CCSER1: variants seen among roughly 807,000 people sequenced by gnomAD.
CCSER1 encodes the protein coiled-coil serine rich protein 1.
CCSER1 carries 41 observed loss-of-function variants against 82.0 expected under a neutral mutation model. The ratio of observed to expected loss-of-function variants is 0.50; its 90% CI spans 0.39 to 0.65. The LOEUF (loss-of-function observed/expected upper bound fraction) is 0.65, where lower values mean the gene tolerates loss of function less well. Ranked by LOEUF, CCSER1 falls within the 30% of genes least tolerant of loss-of-function variation. CCSER1 has a pLI of 0.00. For missense variants in CCSER1, 1,119 were observed against 1,064.2 expected, an observed-to-expected ratio of 1.05 and a Z score of -0.72; for synonymous variants, 414 against 383.9, an observed-to-expected ratio of 1.08 and a Z score of -0.92.
At chr4:90,862,355 G>GA (rs76475989) in intron 8 of CCSER1, among the ~76,000 whole-genome samples, 27,484 of 151,790 alleles carry the variant, frequency 0.18, 2,789 homozygotes, top group South Asian at 0.27. Flanking sequence ...CTTCTCAAAT[G>GA]AAAGTCAATT....
At chr4:91,500,006 A>T (rs1295163584) in intron 10 of CCSER1, among the ~76,000 whole-genome samples, 1 of 152,042 alleles carries the variant, frequency 6.6e-6, no homozygotes, top group Non-Finnish European at 1.5e-5. Context: ...GCAATTCCTA[A>T]ACCTTATCGT....
chr4:90,436,897 C>T (rs1243887113), intron 4 of CCSER1, among the ~76,000 whole-genome samples: 1 of 151,826 alleles, frequency 6.6e-6, no homozygotes, highest in Non-Finnish European at 1.5e-5. Flanking sequence ...AGCTCTTCCT[C>T]CCGGGTTCAC....
At chr4:90,599,326 G>A (rs1479223818) in intron 5 of CCSER1, among the ~76,000 whole-genome samples, 1 of 152,008 alleles carries the variant, frequency 6.6e-6, no homozygotes, top group Non-Finnish European at 1.5e-5. Flanking sequence ...AGAGCTGATG[G>A]TTTTAAAAGT....
chr4:90,814,294 A>G lies in CCSER1; in HGVS notation c.2011-1468A>G, dbSNP rs1323500933. ...TCACTCCTAAGCCTCCTGGCCTGTA[A>G]TGGGAGAGGCTGCTTCCCTTGTTGG... On this transcript the variant is annotated intron_variant, in intron 7 of 10. Coordinates refer to ENST00000509176, the MANE Select transcript of CCSER1 (RefSeq NM_001145065.2). Among the ~76,000 whole-genome samples, 4 of 152,286 alleles carry G rather than the reference A, an allele frequency of 2.6e-5. No homozygotes were observed. In the East Asian group the frequency reaches 7.8e-4, roughly 30 times the overall value.
At chr4:90,612,684 G>A (rs1183836597) in intron 5 of CCSER1, among the ~76,000 whole-genome samples, 2 of 152,008 alleles carry the variant, frequency 1.3e-5, no homozygotes, top group Admixed American at 6.5e-5. Context: ...AGAATATATG[G>A]CTCCCTATAT....
At chr4:91,343,094 A>G (rs1006539376) in intron 10 of CCSER1, among the ~76,000 whole-genome samples, 14 of 152,220 alleles carry the variant, frequency 9.2e-5, no homozygotes, top group African/African-American at 3.1e-4. Context: ...ACAAATTTAT[A>G]ATAAAATATT....
intron 7 of CCSER1, among the ~76,000 whole-genome samples, chr4:90,766,723 A>G (rs962047192): frequency 1.3e-5 from 2 of 152,176 alleles, no homozygotes; most frequent in Non-Finnish European, 2.9e-5. Context: ...ATTCACACAC[A>G]TAATTTAATA....
chr4:91,322,978 G>C (rs527586756), intron 10 of CCSER1, among the ~76,000 whole-genome samples: 2 of 152,264 alleles, frequency 1.3e-5, no homozygotes, highest in South Asian at 4.1e-4. Flanking sequence ...GTGAGGTTCT[G>C]TTTTCTCTTT....
intron 8 of CCSER1, among the ~76,000 whole-genome samples, chr4:90,860,591 A>G (rs1269168646): frequency 1.3e-5 from 2 of 151,702 alleles, no homozygotes; most frequent in Non-Finnish European, 3.0e-5. Context: ...TTTCATAGCA[A>G]TGGTATTCAT....
At chr4:90,591,877 C>T (rs986400035) in intron 5 of CCSER1, among the ~76,000 whole-genome samples, 2 of 152,142 alleles carry the variant, frequency 1.3e-5, no homozygotes, top group Non-Finnish European at 2.9e-5. Context: ...AGTTCATGTC[C>T]TTTGCATGGA....
intron 6 of CCSER1, among the ~76,000 whole-genome samples, chr4:90,706,922 G>A (rs574710007): frequency 6.6e-6 from 1 of 152,234 alleles, no homozygotes; most frequent in South Asian, 2.1e-4. Flanking sequence ...CTCAATAGTG[G>A]ATTTTTAAAA....
chr4:90,891,084 C>A (rs186700112), intron 8 of CCSER1, among the ~76,000 whole-genome samples: 2 of 151,624 alleles, frequency 1.3e-5, no homozygotes, highest in Non-Finnish European at 2.9e-5. Flanking sequence ...TAGATAATTT[C>A]CAAATAAAGT....
At chr4:90,523,746 A>G (rs1305847343) in intron 5 of CCSER1, among the ~76,000 whole-genome samples, 1 of 152,186 alleles carries the variant, frequency 6.6e-6, no homozygotes, top group Non-Finnish European at 1.5e-5. Context: ...ACTCCAAACT[A>G]TAAATGATAG....
intron 1 of CCSER1, among the ~76,000 whole-genome samples, chr4:90,155,431 T>G (rs554689610): frequency 2.0e-5 from 3 of 152,174 alleles, no homozygotes; most frequent in African/African-American, 7.2e-5. Flanking sequence ...TTTCTGTTGA[T>G]TGGAATAGTT....
At position 90,930,909 on chromosome 4, in the gene CCSER1, T is replaced by TA. The variant is rs1225040569; in HGVS notation, c.2172+7462_2172+7463insA. ...TTTGCAAAAGGAAATTTATCCTTAT[T>TA]TTATATATATATATATATATATATA... On this transcript the variant is annotated intron_variant, in intron 9 of 10. Coordinates refer to ENST00000509176, the MANE Select transcript of CCSER1 (RefSeq NM_001145065.2). 1.2e-4 allele frequency among the ~76,000 whole-genome samples: 9 copies of TA among 77,996 alleles called. No homozygotes were observed. The East Asian group carries it at 2.0e-3, about 18-fold the overall frequency. The allele number at this position is 77,996 out of a possible 152,430, so 51.2% of individuals were successfully genotyped here.
intron 10 of CCSER1, among the ~76,000 whole-genome samples, chr4:91,127,198 G>A (rs1727595317): frequency 6.6e-6 from 1 of 152,060 alleles, no homozygotes; most frequent in Non-Finnish European, 1.5e-5. Flanking sequence ...CCCTGTGATA[G>A]TGGTGGAATT....
At chr4:91,513,179 G>A (rs1264770312) in intron 10 of CCSER1, among the ~76,000 whole-genome samples, 1 of 151,930 alleles carries the variant, frequency 6.6e-6, no homozygotes, top group South Asian at 2.1e-4. Context: ...TATCATGGAG[G>A]GATTTTGGAT....
chr4:91,148,186 A>T (rs983436706), intron 10 of CCSER1, among the ~76,000 whole-genome samples: 1 of 152,208 alleles, frequency 6.6e-6, no homozygotes, highest in African/African-American at 2.4e-5. Flanking sequence ...ACCCTTAAAG[A>T]TAATTTTTAC....
At chr4:90,901,834 A>G (rs1039948277) in intron 8 of CCSER1, among the ~76,000 whole-genome samples, 1 of 151,316 alleles carries the variant, frequency 6.6e-6, no homozygotes, top group Admixed American at 6.6e-5. Flanking sequence ...TTGGATGTCA[A>G]CCTCTCTAGA....
Sources: gnomAD v4.1 joint callset for allele counts (sites outside exome capture counted in the v4.1 genomes callset) on GRCh38, gnomAD v4.1.1 for gene constraint, MANE v1.5 for transcripts, NCBI Gene and HGNC (gene_info 2026-07-23, HGNC 2026-07-21) for gene names.